OR4D2: variants seen among roughly 807,000 people sequenced by gnomAD.
OR4D2 encodes olfactory receptor 4D2.
A neutral mutation model predicts 12.4 loss-of-function variants in OR4D2; 9 were observed. The observed-to-expected ratio is 0.73, with a 90% CI of 0.44 to 1.27. The LOEUF is 1.27. Ranked by LOEUF, OR4D2 falls within the 50% of genes most tolerant of loss-of-function variation. The pLI is 0.00. For missense variants in OR4D2, 373 were observed against 381.6 expected (o/e 0.98, Z 0.19); for synonymous variants, 151 against 151.1 (o/e 1.00, Z 0.01).
Position 58,168,233 on chromosome 17 carries a change from G to A in OR4D2, c.-19+1180G>A, listed in dbSNP as rs1190935863. Among the ~76,000 whole-genome samples the A allele has an allele frequency of 5.3e-5, 8 of 151,148 alleles. 1 individual carries two copies. The highest frequency in any genetic ancestry group is 5.3e-4 in the Admixed American group (8 of 15,194). Reference sequence around the variant, plus strand: ...TTTGTTTTTGATTTTTTGAGACAGAGTCTCGCTCTGTCACCCAGGCTGGAG... The same window carrying A: ...TTTGTTTTTGATTTTTTGAGACAGAATCTCGCTCTGTCACCCAGGCTGGAG... On this transcript the variant is annotated intron_variant, in intron 1 of 1. Coordinates refer to ENST00000545221, the MANE Select transcript of OR4D2 (RefSeq NM_001004707.4).
chr17:58,168,813 T>C (rs1967923790), intron 1 of OR4D2, among the ~76,000 whole-genome samples: 1 of 152,144 alleles, frequency 6.6e-6, no homozygotes, highest in Admixed American at 6.5e-5. Context: ...GCCTCACTCA[T>C]AAGGGGCCGC....
At position 58,168,307 on chromosome 17, in the gene OR4D2, G is replaced by A. The variant is rs576674937; in HGVS notation, c.-19+1254G>A. 3.4e-4 allele frequency among the ~76,000 whole-genome samples: 52 copies of A among 152,042 alleles called. No homozygotes were observed. The Middle Eastern group carries it at 0.014, about 40-fold the overall frequency. On this transcript the variant is annotated intron_variant, in intron 1 of 1. Coordinates refer to ENST00000545221, the MANE Select transcript of OR4D2 (RefSeq NM_001004707.4). ...CTGCAGCCTCCAACCAGCTTCAAGC[G>A]ATTCTCCTGCCTCAGCCTCCCAAGT...
chr17:58,170,783 C>G lies in OR4D2; in HGVS notation c.*204C>G. 1 of 583,268 alleles carries G rather than the reference C, an allele frequency of 1.7e-6. No homozygotes were observed. The highest frequency in any genetic ancestry group is 3.0e-6 in the Non-Finnish European group (1 of 327,876). The allele number at this position is 583,268 out of a possible 1,614,324, so 36.1% of individuals were successfully genotyped here. ...GTTTGTGATAAAGAGTTTTAACACA[C>G]TCGCAACAATGAGAATTGTTCACAT... is the stretch of plus-strand genomic sequence containing the variant. On this transcript the variant is annotated 3_prime_UTR_variant, in exon 2 of 2. Transcript: ENST00000545221.
At chr17:58,169,181 C>A (rs1013516869) in intron 1 of OR4D2, among the ~76,000 whole-genome samples, 1 of 152,162 alleles carries the variant, frequency 6.6e-6, no homozygotes, top group African/African-American at 2.4e-5. Flanking sequence ...TGAGTAATTG[C>A]CATTGATTAT....
chr17:58,169,212 C>T (rs1026617311), intron 1 of OR4D2, among the ~76,000 whole-genome samples: 2 of 152,152 alleles, frequency 1.3e-5, no homozygotes, highest in African/African-American at 4.8e-5. Flanking sequence ...GTTTTAGGAA[C>T]TTTATATCTA....
At position 58,170,808 on chromosome 17, in the gene OR4D2, T is replaced by A. The variant is rs1967957291; in HGVS notation, c.*229T>A. On this transcript the variant is annotated 3_prime_UTR_variant, in exon 2 of 2. Transcript: ENST00000545221. ...CTCGCAACAATGAGAATTGTTCACA[T>A]GGCCCCTGAAAACCACACCTTCCTT... 9.2e-6 allele frequency: 5 copies of A among 543,146 alleles called. No homozygotes were observed. The highest frequency in any genetic ancestry group is 3.3e-5 in the Admixed American group (1 of 29,902). The allele number at this position is 543,146 out of a possible 1,614,324, so 33.6% of individuals were successfully genotyped here. A position where few individuals can be genotyped will look rare whatever the true frequency, so the allele number is the denominator to read the frequency against.
chr17:58,168,072 A>G (rs1395648615), intron 1 of OR4D2, among the ~76,000 whole-genome samples: 5 of 150,104 alleles, frequency 3.3e-5, no homozygotes, highest in African/African-American at 1.2e-4. Context: ...TAAGATTAGA[A>G]TGACCTATAA....
At chr17:58,169,266 T>A (rs1342820478) in intron 1 of OR4D2, 1 of 240,496 alleles carries the variant, frequency 4.2e-6, no homozygotes, top group East Asian at 1.2e-4. Flanking sequence ...AGCAGGTATT[T>A]TTATTTCTAC....
intron 1 of OR4D2, chr17:58,169,376 T>C: frequency 2.2e-6 from 1 of 453,490 alleles, no homozygotes; most frequent in East Asian, 4.1e-5. Context: ...ACTTCAGATG[T>C]ATCTGACTCC....
intron 1 of OR4D2, among the ~76,000 whole-genome samples, chr17:58,167,750 C>T (rs1157214437): frequency 6.6e-6 from 1 of 150,990 alleles, no homozygotes; most frequent in Non-Finnish European, 1.5e-5. Flanking sequence ...CGCGGTGGCT[C>T]ATGCCTGTAA....
At position 58,170,512 on chromosome 17, in the gene OR4D2, TC is replaced by T. The variant is rs772164565; in HGVS notation, c.858del (p.Tyr287IlefsTer3). ...ATGACCCCCATGCTCAACCCCATGATCTATACCCTGAGGAACCAGGACATGC... is the reference window on the plus strand; with the variant it reads ...ATGACCCCCATGCTCAACCCCATGATTATACCCTGAGGAACCAGGACATGC... ...TVMTPMLNPM[I>X]YTLRNQDMQA... On this transcript the variant is annotated frameshift_variant, in exon 2 of 2. Transcript: ENST00000545221. LOFTEE classifies it high-confidence loss of function. 6.2e-7 allele frequency: 1 copy of T among 1,614,182 alleles called. No homozygotes were observed. Among genetic ancestry groups the T allele is most frequent in the East Asian group, 2.2e-5 (1 of 44,874 alleles).
In OR4D2 at chr17:58,170,508, A is replaced by C. The variant is rs1255526956; in HGVS notation, c.853A>C (p.Met285Leu). Residue 285 changes from methionine (M) to leucine (L), a missense_variant, in exon 2 of 2, where the codon ATG becomes CTG. Coordinates refer to ENST00000545221, the MANE Select transcript of OR4D2 (RefSeq NM_001004707.4). ...AGTCATGACCCCCATGCTCAACCCC[A>C]TGATCTATACCCTGAGGAACCAGGA... ...HTVMTPMLNP[M>L]IYTLRNQDMQ... 1 of 1,613,990 alleles carries C rather than the reference A, an allele frequency of 6.2e-7. No individual in the cohort carries two copies. The highest frequency in any genetic ancestry group is 8.5e-7 in the Non-Finnish European group (1 of 1,180,002).
At position 58,169,306 on chromosome 17, in the gene OR4D2, A is replaced by G. The variant is rs1251555931; in HGVS notation, c.-18-332A>G. The G allele has an allele frequency of 1.5e-5, 4 of 273,134 alleles. No individual in the cohort carries two copies. In the South Asian group the frequency reaches 1.5e-4, roughly 10 times the overall value. The allele number at this position is 273,134 out of a possible 1,614,324, so 16.9% of individuals were successfully genotyped here. A position where few individuals can be genotyped will look rare whatever the true frequency, so the allele number is the denominator to read the frequency against. On this transcript the variant is annotated intron_variant, in intron 1 of 1. Transcript: ENST00000545221. ...CAAATTCCCGTGAAAACTGAGGCCC[A>G]GAAAGATTAAGTAAGTTACTCATGG...
At position 58,170,567 on chromosome 17, in the gene OR4D2, C is replaced by A. The variant is rs775969305; in HGVS notation, c.912C>A (p.His304Gln). The A allele has an allele frequency of 1.7e-5, 27 of 1,613,712 alleles. No homozygotes were observed. The highest frequency in any genetic ancestry group is 2.3e-5 in the Non-Finnish European group (27 of 1,179,716). The change falls in exon 2 of 2, where the codon CAC becomes CAA. Residue 304 changes from histidine (H) to glutamine (Q), a missense_variant. By Grantham distance (24) the His-to-Gln change is conservative. Coordinates refer to ENST00000545221, the MANE Select transcript of OR4D2 (RefSeq NM_001004707.4). ...CAGCAGTGAGAAGATTAGGGAGACA[C>A]CGGCTGGTTTGAGAGTGACAATGGT... is the stretch of plus-strand genomic sequence containing the variant. ...MQAAVRRLGR[H>Q]RLV
chr17:58,170,404 T>C lies in OR4D2; in HGVS notation c.749T>C (p.Ile250Thr). 1 of 1,614,210 alleles carries C rather than the reference T, an allele frequency of 6.2e-7. No individual in the cohort carries two copies. The highest frequency in any genetic ancestry group is 8.5e-7 in the Non-Finnish European group (1 of 1,180,040). Residue 250 changes from isoleucine (I) to threonine (T), a missense_variant, in exon 2 of 2, where the codon ATC (isoleucine) becomes ACC (threonine). Physicochemically the swap from Ile to Thr is moderately conservative, Grantham distance 89. Transcript: ENST00000545221. ...CTTHIIVVSM[I>T]FVPSIYLYAR... The stretch of plus-strand genomic sequence containing the variant: ...ACCCACATCATCGTGGTTTCCATGA[T>C]CTTCGTTCCAAGCATTTACCTCTAT...
In OR4D2 at chr17:58,170,139, C is replaced by G. The variant is rs529673870; in HGVS notation, c.484C>G (p.Leu162Val). ...TGTCCACTCTATTGTCCAGCTGGCT[C>G]TGATGCTCCCACTGCCCTTCTGTGG... ...GFVHSIVQLA[L>V]MLPLPFCGPN... The change falls in exon 2 of 2, where the codon CTG becomes GTG. Residue 162 changes from leucine to valine, a missense_variant. Coordinates refer to ENST00000545221, the MANE Select transcript of OR4D2 (RefSeq NM_001004707.4). The G allele has an allele frequency of 3.1e-6, 5 of 1,614,198 alleles. No individual in the cohort carries two copies. The highest frequency in any genetic ancestry group is 3.3e-5 in the Admixed American group (2 of 60,028).
In OR4D2 at chr17:58,171,057, T is replaced by G. The variant is rs545422129; in HGVS notation, c.*478T>G. 1 of 164,946 alleles carries G rather than the reference T, an allele frequency of 6.1e-6. No individual in the cohort carries two copies. Among genetic ancestry groups the G allele is most frequent in the South Asian group, 1.5e-4 (1 of 6,878 alleles). 10.2% of individuals were successfully genotyped at this position (164,946 alleles called of 1,614,324 possible). A position where few individuals can be genotyped will look rare whatever the true frequency, so the allele number is the denominator to read the frequency against. On this transcript the variant is annotated 3_prime_UTR_variant, in exon 2 of 2. Coordinates refer to ENST00000545221, the MANE Select transcript of OR4D2 (RefSeq NM_001004707.4). ...AGCCACCCAGCTTTTCTTGGCCTCA[T>G]GATTTCTCCCTCACCAATTTGCTTA...
Position 58,170,528 on chromosome 17 carries a change from C to T in OR4D2, c.873C>T (p.Asn291=). The change falls in exon 2 of 2, where the codon AAC becomes AAT. Residue 291 remains asparagine (N), a synonymous_variant. Coordinates refer to ENST00000545221, the MANE Select transcript of OR4D2 (RefSeq NM_001004707.4). ...ACCCCATGATCTATACCCTGAGGAA[C>T]CAGGACATGCAGGCAGCAGTGAGAA... ...MLNPMIYTLR[N]QDMQAAVRRL... The T allele has an allele frequency of 6.2e-7, 1 of 1,614,206 alleles. No individual in the cohort carries two copies. Among genetic ancestry groups the T allele is most frequent in the South Asian group, 1.1e-5 (1 of 91,086 alleles).
chr17:58,169,509 C>T (rs924555542), intron 1 of OR4D2, 129 bp from the exon 2 acceptor site: 17 of 681,782 alleles, frequency 2.5e-5, no homozygotes, highest in Non-Finnish European at 4.5e-5. Flanking sequence ...GACAAGACAG[C>T]ACCTAGTATA....
Sources: gnomAD v4.1 joint callset for allele counts (sites outside exome capture counted in the v4.1 genomes callset) on GRCh38, gnomAD v4.1.1 for gene constraint, MANE v1.5 for transcripts, NCBI Gene and HGNC (gene_info 2026-07-23, HGNC 2026-07-21) for gene names.